JAKMIP1: variants seen among roughly 807,000 people sequenced by gnomAD.
JAKMIP1 encodes the protein janus kinase and microtubule interacting protein 1, also known as janus kinase and microtubule-interacting protein 1.
In JAKMIP1, 33 loss-of-function variants were observed where a neutral mutation model predicts 113.0. The ratio of observed to expected loss-of-function variants is 0.29; its 90% CI spans 0.22 to 0.39. The LOEUF (loss-of-function observed/expected upper bound fraction) is 0.39. Among genes scored for constraint, JAKMIP1 ranks in the 10% least tolerant of loss-of-function variants. JAKMIP1 has a pLI of 1.00. For synonymous variants in JAKMIP1, 480 were observed against 459.9 expected, an observed-to-expected ratio of 1.04 and a Z score of -0.56; for missense variants, 813 against 1,080.5, an observed-to-expected ratio of 0.75 and a Z score of 3.47.
Position 6,142,199 on chromosome 4 carries a change from A to G in JAKMIP1, c.-147-29202T>C, listed in dbSNP as rs766499173. On this transcript the variant is annotated intron_variant, in intron 1 of 20. Coordinates refer to ENST00000409021, the MANE Select transcript of JAKMIP1 (RefSeq NM_001099433.2). The surrounding 1 kb of genome is among the most constrained non-coding windows in gnomAD (Gnocchi z 5.5). ...CTCATTCCATCCTGGATTTAGGGAC[A>G]CTTTGGTTATTTCTGAGGATTTTGT... is the stretch of plus-strand genomic sequence containing the variant. Among the ~76,000 whole-genome samples the G allele has an allele frequency of 9.2e-5, 14 of 152,162 alleles. No individual in the cohort carries two copies. Among genetic ancestry groups the G allele is most frequent in the Non-Finnish European group, 1.6e-4 (11 of 68,032 alleles).
chr4:6,036,148 G>C, intron 18 of JAKMIP1, 41 bp from the exon 19 acceptor site: 1 of 1,452,776 alleles, frequency 6.9e-7, no homozygotes, highest in South Asian at 1.3e-5. Context: ...AGGTCACAAG[G>C]AGGTGGACAG....
rs945256277 is a variant in JAKMIP1, at chr4:6,139,563, C to T, written c.-147-26566G>A. On this transcript the variant is annotated intron_variant, in intron 1 of 20. Coordinates refer to ENST00000409021, the MANE Select transcript of JAKMIP1 (RefSeq NM_001099433.2). This position sits in a 1 kb window ranked among gnomAD's most constrained non-coding sequence, Gnocchi z 5.2. ...CAGGCGGATCACAAAGTCAGGAGTT[C>T]GAGACCAACCTGGCCAACATAGTGA... 9.2e-5 allele frequency among the ~76,000 whole-genome samples: 14 copies of T among 151,988 alleles called. No homozygotes were observed. In the East Asian group the frequency reaches 1.7e-3, roughly 19 times the overall value.
At chr4:6,127,258 G>T (rs1368082876) in intron 1 of JAKMIP1, among the ~76,000 whole-genome samples, 3 of 152,226 alleles carry the variant, frequency 2.0e-5, no homozygotes, top group Non-Finnish European at 4.4e-5. Flanking sequence ...AGCAAGCCCG[G>T]GGGCAGCCAG....
rs990163262 is a variant in JAKMIP1 at position 6,181,767 on chromosome 4, G to A, written c.-148+18486C>T. 6.6e-6 allele frequency among the ~76,000 whole-genome samples: 1 copy of A among 152,158 alleles called. No individual in the cohort carries two copies. The highest frequency in any genetic ancestry group is 2.4e-5 in the African/African-American group (1 of 41,432). On this transcript the variant is annotated intron_variant, in intron 1 of 20. Coordinates refer to ENST00000409021, the MANE Select transcript of JAKMIP1 (RefSeq NM_001099433.2). The surrounding 1 kb of genome is among the most constrained non-coding windows in gnomAD (Gnocchi z 5.4). ...TGTTCCATGCCAGACCCTGTGCTGA[G>A]CCTCAAACATGAATCTCACACAGCC...
At chr4:6,092,047 C>T (rs961319867) in intron 3 of JAKMIP1, among the ~76,000 whole-genome samples, 4 of 152,044 alleles carry the variant, frequency 2.6e-5, no homozygotes, top group Admixed American at 2.0e-4. Flanking sequence ...ATTGAGGGTG[C>T]GGAATAAATG....
rs1419240241 is a variant in JAKMIP1, at chr4:6,176,314, C to G, written c.-148+23939G>C. ...TCCACGGGGCCCCTGAAGGCAGAGA[C>G]AGTGTTTAGGCTGTGTCCTGGTCTG... On this transcript the variant is annotated intron_variant, in intron 1 of 20. Coordinates refer to ENST00000409021, the MANE Select transcript of JAKMIP1 (RefSeq NM_001099433.2). The surrounding 1 kb of genome is among the most constrained non-coding windows in gnomAD (Gnocchi z 5.5). Among the ~76,000 whole-genome samples the G allele has an allele frequency of 6.6e-6, 1 of 152,152 alleles. No homozygotes were observed. Among genetic ancestry groups the G allele is most frequent in the African/African-American group, 2.4e-5 (1 of 41,424 alleles).
chr4:6,053,845 G>C, intron 13 of JAKMIP1: 1 of 1,405,218 alleles, frequency 7.1e-7, no homozygotes, highest in Non-Finnish European at 9.3e-7. Flanking sequence ...ACTTGGGTGA[G>C]CACGCTCTCC....
rs145453817 is a variant in JAKMIP1 at position 6,062,408 on chromosome 4, G to A, written c.1464C>T (p.Phe488=). 320 of 1,613,840 alleles carry A rather than the reference G, an allele frequency of 2.0e-4. 2 individuals are homozygous for A. In the African/African-American group the frequency reaches 3.7e-3, roughly 19 times the overall value. The part of the protein sequence containing the change: ...ATAREEADLR[F]CQLTREYQAL... ...CCTGGTACTCCCGGGTCAGCTGGCA[G>A]AAGCGCAGGTCAGCCTCCTCTCGGG... Residue 488 remains phenylalanine, a synonymous_variant, in exon 10 of 21, where the codon TTC becomes TTT. Coordinates refer to ENST00000409021, the MANE Select transcript of JAKMIP1 (RefSeq NM_001099433.2).
In JAKMIP1 at chr4:6,135,320, T is replaced by C. The variant is rs1719069376; in HGVS notation, c.-147-22323A>G. On this transcript the variant is annotated intron_variant, in intron 1 of 20. Transcript: ENST00000409021. This position sits in a 1 kb window ranked among gnomAD's most constrained non-coding sequence, Gnocchi z 4.9. ...ACGAGGAAAATAGGACACAGACACA[T>C]AGAAGGAAGACCATGTGAGGACATG... Among the ~76,000 whole-genome samples the C allele has an allele frequency of 6.6e-6, 1 of 151,966 alleles. No individual in the cohort carries two copies. Among genetic ancestry groups the C allele is most frequent in the South Asian group, 2.1e-4 (1 of 4,814 alleles).
Position 6,040,768 on chromosome 4 carries a change from G to C in JAKMIP1, c.2098-52C>G. On this transcript the variant is annotated intron_variant, in intron 17 of 20. Transcript: ENST00000409021. The surrounding 1 kb of genome is among the most constrained non-coding windows in gnomAD (Gnocchi z 5.8). ...GACCAGCGTCAGAACAGGAATCCATGACAGCTTCAGAGCCCGTTTGCTAGA... is the reference window on the plus strand; with the variant it reads ...GACCAGCGTCAGAACAGGAATCCATCACAGCTTCAGAGCCCGTTTGCTAGA... 3.5e-6 allele frequency: 5 copies of C among 1,417,940 alleles called. No homozygotes were observed. The highest frequency in any genetic ancestry group is 5.0e-6 in the Non-Finnish European group (5 of 1,007,984). The allele number at this position is 1,417,940 out of a possible 1,614,324, so 87.8% of individuals were successfully genotyped here.
chr4:6,048,952 G>A lies in JAKMIP1; in HGVS notation c.1963-30C>T, dbSNP rs747592715. 3.2e-6 allele frequency: 5 copies of A among 1,576,576 alleles called. No homozygotes were observed. In the East Asian group the frequency reaches 1.1e-4, roughly 35 times the overall value. On this transcript the variant is annotated intron_variant, in intron 15 of 20. Transcript: ENST00000409021. ...AACACAAAAATGGGCAAGGGCATTT[G>A]ACACTGGATCCCAAATCCACGTGCA...
intron 1 of JAKMIP1, among the ~76,000 whole-genome samples, chr4:6,152,929 C>A (rs1372185261): frequency 6.6e-6 from 1 of 151,492 alleles, no homozygotes; most frequent in Non-Finnish European, 1.5e-5. Flanking sequence ...CAAGATCACG[C>A]CATTGCACTT....
rs1439773130 is a variant in JAKMIP1 at position 6,067,695 on chromosome 4, T to TGCACAC, written c.1303-2693_1303-2688dup. 3.8e-5 allele frequency among the ~76,000 whole-genome samples: 5 copies of TGCACAC among 132,546 alleles called. No individual in the cohort carries two copies. Among genetic ancestry groups the TGCACAC allele is most frequent in the Admixed American group, 1.4e-4 (2 of 13,856 alleles). 87.0% of individuals were successfully genotyped at this position (132,546 alleles called of 152,430 possible). On this transcript the variant is annotated intron_variant, in intron 8 of 20. Transcript: ENST00000409021. This position sits in a 1 kb window ranked among gnomAD's most constrained non-coding sequence, Gnocchi z 4.6. ...AGCTCCAGGTTCACTCAAGCTCTTC[T>TGCACAC]GCACACACAGGTCACCCCCCTGAGC...
rs978303341 is a variant in JAKMIP1, at chr4:6,199,154, G to A, written c.-148+1099C>T. On this transcript the variant is annotated intron_variant, in intron 1 of 20. Coordinates refer to ENST00000409021, the MANE Select transcript of JAKMIP1 (RefSeq NM_001099433.2). The surrounding 1 kb of genome is among the most constrained non-coding windows in gnomAD (Gnocchi z 5.6). ...GAGCACAGCACTGGCAAAGGCCAAG[G>A]ACAGTGTGCCTGCGAGTGTGCGCAG... Among the ~76,000 whole-genome samples the A allele has an allele frequency of 2.0e-5, 3 of 152,262 alleles. No homozygotes were observed. The highest frequency in any genetic ancestry group is 4.8e-5 in the African/African-American group (2 of 41,480).
chr4:6,131,616 G>C (rs372462180), intron 1 of JAKMIP1, among the ~76,000 whole-genome samples: 261 of 152,240 alleles, frequency 1.7e-3, no homozygotes, highest in African/African-American at 5.9e-3. Flanking sequence ...TGTAATTCCA[G>C]CTACTCAGGA....
intron 1 of JAKMIP1, among the ~76,000 whole-genome samples, chr4:6,172,063 C>A (rs1475689473): frequency 2.0e-5 from 3 of 152,348 alleles, no homozygotes; most frequent in South Asian, 2.1e-4. Flanking sequence ...CCACACCAGG[C>A]CACGCAGGAA....
At chr4:6,161,165 C>T (rs540972347) in intron 1 of JAKMIP1, among the ~76,000 whole-genome samples, 1 of 150,264 alleles carries the variant, frequency 6.7e-6, no homozygotes, top group East Asian at 2.0e-4. Flanking sequence ...CACTCACCTC[C>T]CCTGATCTCC....
Position 6,049,685 on chromosome 4 carries a change from C to T in JAKMIP1, c.1962+134G>A. On this transcript the variant is annotated intron_variant, in intron 15 of 20. Coordinates refer to ENST00000409021, the MANE Select transcript of JAKMIP1 (RefSeq NM_001099433.2). The surrounding 1 kb of genome is among the most constrained non-coding windows in gnomAD (Gnocchi z 7.0). ...CCACCCACACAGGAACACGGCCATA[C>T]AAAAGCCTTACATTGTACTTCTTAG... 1 of 703,484 alleles carries T rather than the reference C, an allele frequency of 1.4e-6. No individual in the cohort carries two copies. The highest frequency in any genetic ancestry group is 2.4e-6 in the Non-Finnish European group (1 of 411,868). 43.6% of individuals were successfully genotyped at this position (703,484 alleles called of 1,614,324 possible). A position where few individuals can be genotyped will look rare whatever the true frequency, so the allele number is the denominator to read the frequency against.
In JAKMIP1 at chr4:6,139,065, CACACACACACACACACACATAT is replaced by C. The variant is rs1316202416; in HGVS notation, c.-147-26090_-147-26069del. Among the ~76,000 whole-genome samples, 116 of 147,742 alleles carry C rather than the reference CACACACACACACACACACATAT, an allele frequency of 7.9e-4. No homozygotes were observed. The highest frequency in any genetic ancestry group is 2.9e-3 in the African/African-American group (109 of 38,232). On this transcript the variant is annotated intron_variant, in intron 1 of 20. Coordinates refer to ENST00000409021, the MANE Select transcript of JAKMIP1 (RefSeq NM_001099433.2). The surrounding 1 kb of genome is among the most constrained non-coding windows in gnomAD (Gnocchi z 5.2). ...TGTGACATCATTAGAAACACACACA[CACACACACACACACACACATAT>C]ACACACACACACACACACCAGCAGG...
Sources: gnomAD v4.1 joint callset for allele counts (sites outside exome capture counted in the v4.1 genomes callset) on GRCh38, gnomAD v4.1.1 for gene constraint, Gnocchi (gnomAD v3.1) non-coding constraint, MANE v1.5 for transcripts, NCBI Gene and HGNC (gene_info 2026-07-23, HGNC 2026-07-21) for gene names.